Variants in CENPO observed in about 807,000 individuals in gnomAD.
The protein encoded by CENPO is centromere protein O.
Under a neutral mutation model 36.1 loss-of-function variants are expected in CENPO, and 30 were observed. The observed-to-expected ratio is 0.83, with a 90% CI of 0.62 to 1.13. The LOEUF (loss-of-function observed/expected upper bound fraction) is 1.13, where lower values mean the gene tolerates loss of function less well. CENPO is among the 50% of genes most tolerant of loss of function. The probability of loss-of-function intolerance (pLI) is 0.00; values close to 1 mark genes in which losing one functional copy is unlikely to be tolerated. For missense variants in CENPO, 349 were observed against 357.8 expected (o/e 0.98, Z 0.20); for synonymous variants, 171 against 142.3 (o/e 1.20, Z -1.44).
intron 3 of CENPO, among the ~76,000 whole-genome samples, 193 bp from the exon 4 acceptor site, chr2:24,814,183 C>A (rs1297741805): frequency 1.3e-5 from 2 of 152,256 alleles, no homozygotes; most frequent in Admixed American, 1.3e-4. Context: ...GTCTCCACTT[C>A]TGATTCCTGG....
intron 3 of CENPO, among the ~76,000 whole-genome samples, chr2:24,813,464 C>T (rs967177883): frequency 6.6e-6 from 1 of 152,084 alleles, no homozygotes; most frequent in Non-Finnish European, 1.5e-5. Flanking sequence ...TCTATTAAGG[C>T]TCCTGTTCCC....
chr2:24,812,949 G>C (rs1473441593), intron 3 of CENPO, among the ~76,000 whole-genome samples: 1 of 134,056 alleles, frequency 7.5e-6, no homozygotes, highest in Non-Finnish European at 1.5e-5. Flanking sequence ...TATTGTGTAT[G>C]AAAAAATATA....
At position 24,815,634 on chromosome 2, in the gene CENPO, T is replaced by C. The variant is rs1277324724; in HGVS notation, c.472T>C (p.Phe158Leu). 3 of 1,614,206 alleles carry C rather than the reference T, an allele frequency of 1.9e-6. No individual in the cohort carries two copies. Among genetic ancestry groups the C allele is most frequent in the South Asian group, 1.1e-5 (1 of 91,088 alleles). Residue 158 changes from phenylalanine to leucine, a missense_variant, in exon 5 of 8, where the codon TTC becomes CTC. Coordinates refer to ENST00000380834, the MANE Select transcript of CENPO (RefSeq NM_001322101.2). ...LRIHHHSVPV[F>L]IPLEEIAAKY... is the part of the protein sequence containing the mutation. ...GATACATCACCATTCAGTCCCAGTC[T>C]TCATTCCCCTGGAAGAGATAGCTGC...
intron 2 of CENPO, among the ~76,000 whole-genome samples, chr2:24,794,781 A>G (rs1182118566): frequency 2.0e-5 from 3 of 152,220 alleles, no homozygotes; most frequent in Non-Finnish European, 2.9e-5. Flanking sequence ...GTTCTTTGCT[A>G]CTAATACTTT....
chr2:24,811,696 C>A lies in CENPO; in HGVS notation c.217-2680C>A, dbSNP rs530455848. On this transcript the variant is annotated intron_variant, in intron 3 of 7. Coordinates refer to ENST00000380834, the MANE Select transcript of CENPO (RefSeq NM_001322101.2). ...CAGGATGGTCTTGATCTCCTGACCTCGTGATCCACCTGCCTCGGCCTCCTA... is the reference window on the plus strand; with the variant it reads ...CAGGATGGTCTTGATCTCCTGACCTAGTGATCCACCTGCCTCGGCCTCCTA... 3.3e-5 allele frequency among the ~76,000 whole-genome samples: 5 copies of A among 152,170 alleles called. No homozygotes were observed. The East Asian group carries it at 7.7e-4, about 24-fold the overall frequency.
At chr2:24,815,347 A>G in intron 4 of CENPO, 150 bp from the exon 5 acceptor site, 4 of 646,746 alleles carry the variant, frequency 6.2e-6, no homozygotes, top group Non-Finnish European at 8.3e-6. Context: ...GCCGGAGCCA[A>G]GGGGAAGAAT....
At chr2:24,807,950 T>C (rs1362255771) in intron 3 of CENPO, among the ~76,000 whole-genome samples, 1 of 152,256 alleles carries the variant, frequency 6.6e-6, no homozygotes, top group Non-Finnish European at 1.5e-5. Context: ...TCAAGGCCTT[T>C]GTGAAATTTT....
chr2:24,820,112 C>T lies in CENPO; in HGVS notation c.*794C>T, dbSNP rs199681196. 1.9e-6 allele frequency: 3 copies of T among 1,541,706 alleles called. No homozygotes were observed. Among genetic ancestry groups the T allele is most frequent in the South Asian group, 1.2e-5 (1 of 80,456 alleles). ...GGAGGATGACTTGGGTTTCTTCTAC[C>T]ACCTGGAGAGGGAGGGGGAGCAAGA... On this transcript the variant is annotated 3_prime_UTR_variant, in exon 8 of 8. Coordinates refer to ENST00000380834, the MANE Select transcript of CENPO (RefSeq NM_001322101.2).
intron 3 of CENPO, among the ~76,000 whole-genome samples, chr2:24,811,502 C>T (rs558242277): frequency 2.0e-5 from 3 of 150,558 alleles, no homozygotes; most frequent in African/African-American, 7.3e-5. Flanking sequence ...CGCTCTGTCG[C>T]CCAGGCTGGA....
Position 24,816,640 on chromosome 2 carries a change from T to C in CENPO, c.595-6T>C. 6.2e-7 allele frequency: 1 copy of C among 1,601,500 alleles called. No individual in the cohort carries two copies. The highest frequency in any genetic ancestry group is 8.5e-7 in the Non-Finnish European group (1 of 1,174,066). ...TCTACTTCGTTTTGTTCCTCACCCC[T>C]CTTAGAGTGACTTTGCAGCCCTCCT... On this transcript the variant is annotated splice_polypyrimidine_tract_variant and splice_region_variant and intron_variant, in intron 5 of 7. Transcript: ENST00000380834.
chr2:24,802,253 T>A (rs1296145776), intron 3 of CENPO, among the ~76,000 whole-genome samples: 3 of 152,142 alleles, frequency 2.0e-5, no homozygotes, highest in Non-Finnish European at 4.4e-5. Context: ...TTTCTAGATA[T>A]ACAATCATGT....
In CENPO at chr2:24,818,376, ATAT is replaced by A. The variant is rs1558384081; in HGVS notation, c.*35+537_*35+539del. 5.9e-5 allele frequency among the ~76,000 whole-genome samples: 9 copies of A among 151,638 alleles called. No homozygotes were observed. In the South Asian group the frequency reaches 1.9e-3, roughly 31 times the overall value. ...TAATGAAGATAATAAGGAAGACCCA[ATAT>A]TTTTTTTTTTTTAAAAGGAAAGTAT... On this transcript the variant is annotated intron_variant, in intron 7 of 7. Coordinates refer to ENST00000380834, the MANE Select transcript of CENPO (RefSeq NM_001322101.2).
In CENPO at chr2:24,808,862, A is replaced by G. The variant is rs193276858; in HGVS notation, c.217-5514A>G. The stretch of plus-strand genomic sequence containing the variant: ...TGGCATCAAGTTTTATGTTGCTCTC[A>G]GAAAGCAGGTTGAGACATTTTCCTT... On this transcript the variant is annotated intron_variant, in intron 3 of 7. Coordinates refer to ENST00000380834, the MANE Select transcript of CENPO (RefSeq NM_001322101.2). 8.5e-4 allele frequency among the ~76,000 whole-genome samples: 129 copies of G among 151,084 alleles called. 1 individual carries two copies. The highest frequency in any genetic ancestry group is 3.0e-3 in the African/African-American group (124 of 41,338).
intron 3 of CENPO, among the ~76,000 whole-genome samples, chr2:24,802,592 G>T (rs1451651562): frequency 6.6e-6 from 1 of 152,166 alleles, no homozygotes; most frequent in African/African-American, 2.4e-5. Flanking sequence ...TAATCATGTG[G>T]TTTTTGTCTT....
At chr2:24,813,807 C>T (rs999001343) in intron 3 of CENPO, among the ~76,000 whole-genome samples, 12 of 152,190 alleles carry the variant, frequency 7.9e-5, no homozygotes, top group Non-Finnish European at 1.0e-4. Flanking sequence ...GCAGGGAAGC[C>T]AGCTCAGAGC....
rs974110824 is a variant in CENPO at position 24,816,751 on chromosome 2, T to C, written c.700T>C (p.Cys234Arg). The C allele has an allele frequency of 6.2e-7, 1 of 1,612,478 alleles. No individual in the cohort carries two copies. Among genetic ancestry groups the C allele is most frequent in the Non-Finnish European group, 8.5e-7 (1 of 1,179,404 alleles). Residue 234 changes from cysteine to arginine, a missense_variant, in exon 6 of 8, where the codon TGT becomes CGT. Transcript: ENST00000380834. ...TCCAGGGGGTCAGTCCTTCCCGTTC[T>C]GTGCTAGATTGCTGTATAAGGACCT... is the stretch of plus-strand genomic sequence containing the variant. ...LDPGGQSFPF[C>R]ARLLYKDLTA...
chr2:24,816,765 G>T lies in CENPO; in HGVS notation c.714G>T (p.Leu238=). Residue 238 remains leucine, a synonymous_variant, in exon 6 of 8, where the codon CTG becomes CTT. Coordinates refer to ENST00000380834, the MANE Select transcript of CENPO (RefSeq NM_001322101.2). The stretch of plus-strand genomic sequence containing the variant: ...CCTTCCCGTTCTGTGCTAGATTGCT[G>T]TATAAGGACCTCACAGCAACTCTTC... The part of the protein sequence containing the change: ...GQSFPFCARL[L]YKDLTATLPT... 6.2e-7 allele frequency: 1 copy of T among 1,610,804 alleles called. No individual in the cohort carries two copies. Among genetic ancestry groups the T allele is most frequent in the Non-Finnish European group, 8.5e-7 (1 of 1,178,706 alleles).
chr2:24,804,498 A>G (rs1278562270), intron 3 of CENPO, among the ~76,000 whole-genome samples: 1 of 152,050 alleles, frequency 6.6e-6, no homozygotes, highest in Non-Finnish European at 1.5e-5. Flanking sequence ...TGCTTCCTTC[A>G]GGAGCTCTTT....
At chr2:24,799,474 C>T (rs886447239) in intron 2 of CENPO, among the ~76,000 whole-genome samples, 1 of 152,066 alleles carries the variant, frequency 6.6e-6, no homozygotes, top group African/African-American at 2.4e-5. Flanking sequence ...ACATCACTCT[C>T]CAACCTAGGA....
Sources: allele counts gnomAD v4.1 joint callset (sites outside exome capture counted in the v4.1 genomes callset), GRCh38; gene constraint gnomAD v4.1.1; transcripts MANE v1.5; gene names NCBI Gene and HGNC (gene_info 2026-07-23, HGNC 2026-07-21).